SYT7: variants seen among roughly 807,000 people sequenced by gnomAD.
SYT7 encodes the protein synaptotagmin-7.
A neutral mutation model predicts 75.1 loss-of-function variants in SYT7; 29 were observed. That is an observed-to-expected ratio of 0.39 (90% CI 0.29 to 0.53). The LOEUF is 0.53. Ranked by LOEUF, SYT7 falls within the 20% of genes least tolerant of loss-of-function variation. The probability of loss-of-function intolerance (pLI) is 0.77; values close to 1 mark genes in which losing one functional copy is unlikely to be tolerated. For missense variants in SYT7, 693 were observed against 953.2 expected, an observed-to-expected ratio of 0.73 and a Z score of 3.59; for synonymous variants, 376 against 401.7, an observed-to-expected ratio of 0.94 and a Z score of 0.76.
At chr11:61,563,190 A>G (rs557834856) in intron 1 of SYT7, among the ~76,000 whole-genome samples, 1 of 152,294 alleles carries the variant, frequency 6.6e-6, no homozygotes, top group East Asian at 1.9e-4. Flanking sequence ...ATTTGCCATC[A>G]CTTGTCTACT....
At chr11:61,557,559 C>A (rs1414035874) in intron 1 of SYT7, among the ~76,000 whole-genome samples, 1 of 152,150 alleles carries the variant, frequency 6.6e-6, no homozygotes, top group African/African-American at 2.4e-5. Flanking sequence ...TCTACTAGAA[C>A]CCTCTTTGGG....
In SYT7 at chr11:61,542,686, G is replaced by T; in HGVS notation, c.573-107C>A. The T allele has an allele frequency of 7.2e-7, 1 of 1,396,324 alleles. No homozygotes were observed. Among genetic ancestry groups the T allele is most frequent in the South Asian group, 1.6e-5 (1 of 62,534 alleles). The allele number at this position is 1,396,324 out of a possible 1,614,324, so 86.5% of individuals were successfully genotyped here. On this transcript the variant is annotated intron_variant, in intron 5 of 12. Transcript: ENST00000539008. The surrounding 1 kb of genome is among the most constrained non-coding windows in gnomAD (Gnocchi z 7.8). Reference sequence around the variant, plus strand: ...ACTAGGAGGCCCCAGTGCAGGGTGCGCGCTGCCGGACCTCGCCAGGCCTCC... The same window carrying T: ...ACTAGGAGGCCCCAGTGCAGGGTGCTCGCTGCCGGACCTCGCCAGGCCTCC...
At chr11:61,577,373 G>A (rs577429535) in intron 1 of SYT7, among the ~76,000 whole-genome samples, 1 of 152,368 alleles carries the variant, frequency 6.6e-6, no homozygotes, top group Admixed American at 6.5e-5. Context: ...GATGGGGCAG[G>A]CTTTGGGGAG....
intron 1 of SYT7, among the ~76,000 whole-genome samples, chr11:61,569,918 C>G (rs749686286): frequency 6.6e-6 from 1 of 152,200 alleles, no homozygotes; most frequent in African/African-American, 2.4e-5. Context: ...CAGGTGCGGG[C>G]GGGCATGATG....
intron 5 of SYT7, among the ~76,000 whole-genome samples, chr11:61,544,286 G>T (rs1017528361): frequency 1.3e-5 from 2 of 152,176 alleles, no homozygotes; most frequent in Non-Finnish European, 2.9e-5. Flanking sequence ...CCTCAGCTTT[G>T]CTCACCCTCT....
chr11:61,555,697 G>A (rs992764436), intron 2 of SYT7, among the ~76,000 whole-genome samples: 2 of 152,164 alleles, frequency 1.3e-5, no homozygotes, highest in African/African-American at 4.8e-5. Context: ...AGGGGAGGGG[G>A]CGCGGTGCTT....
At chr11:61,539,766 T>C (rs73496255) in intron 6 of SYT7, 15,193 of 152,034 alleles carry the variant, frequency 0.1, 905 homozygotes, top group African/African-American at 0.18. Flanking sequence ...AAATGGGACA[T>C]TACCTCTGGG....
rs1043683195 is a variant in SYT7, at chr11:61,514,975, C to T, written c.*3652G>A. The stretch of plus-strand genomic sequence containing the variant: ...AGCTGCCTTGGAGGGTGGCAAGTGT[C>T]CTCTGGGAACTGAGGGAGGGGACGT... On this transcript the variant is annotated 3_prime_UTR_variant, in exon 13 of 13. Coordinates refer to ENST00000539008, the MANE Select transcript of SYT7 (RefSeq NM_001365809.2). 1.3e-5 allele frequency among the ~76,000 whole-genome samples: 2 copies of T among 152,116 alleles called. No individual in the cohort carries two copies. The highest frequency in any genetic ancestry group is 4.8e-5 in the African/African-American group (2 of 41,410).
chr11:61,531,936 G>A (rs1015010088), intron 8 of SYT7, among the ~76,000 whole-genome samples: 99 of 143,284 alleles, frequency 6.9e-4, no homozygotes, highest in Non-Finnish European at 1.2e-3. Flanking sequence ...AGGCCCCACC[G>A]AAGGCCCATT....
the SYT7 span, among the ~76,000 whole-genome samples, chr11:61,587,034 T>C: frequency 6.6e-6 from 1 of 152,190 alleles, no homozygotes; most frequent in African/African-American, 2.4e-5. Context: ...TTTCGCCAAC[T>C]GTCCCCCCTC....
intron 8 of SYT7, among the ~76,000 whole-genome samples, chr11:61,528,586 G>A (rs186645112): frequency 8.0e-4 from 122 of 152,240 alleles, no homozygotes; most frequent in African/African-American, 2.8e-3. Flanking sequence ...GGCCAACTGT[G>A]GGAGGCACCG....
intron 8 of SYT7, among the ~76,000 whole-genome samples, chr11:61,532,653 G>A (rs2062745556): frequency 6.6e-6 from 1 of 152,224 alleles, no homozygotes; most frequent in Admixed American, 6.5e-5. Context: ...GATCCTGAAA[G>A]TATCTTGCAT....
Position 61,542,080 on chromosome 11 carries a change from G to A in SYT7, c.941+131C>T, listed in dbSNP as rs1276741781. ...AAGAGGCTAAGGAGGGGGCTGCCAA[G>A]TCTGCTTGGCACCCTGCCAAGGGGA... On this transcript the variant is annotated intron_variant, in intron 6 of 12. Coordinates refer to ENST00000539008, the MANE Select transcript of SYT7 (RefSeq NM_001365809.2). This position sits in a 1 kb window ranked among gnomAD's most constrained non-coding sequence, Gnocchi z 7.8. 2 of 1,283,924 alleles carry A rather than the reference G, an allele frequency of 1.6e-6. No individual in the cohort carries two copies. The highest frequency in any genetic ancestry group is 2.1e-6 in the Non-Finnish European group (2 of 969,096). The allele number at this position is 1,283,924 out of a possible 1,614,324, so 79.5% of individuals were successfully genotyped here. A position where few individuals can be genotyped will look rare whatever the true frequency, so the allele number is the denominator to read the frequency against.
chr11:61,537,395 A>G lies in SYT7; in HGVS notation c.1064+749T>C, dbSNP rs543360617. Among the ~76,000 whole-genome samples the G allele has an allele frequency of 4.6e-5, 7 of 150,786 alleles. No homozygotes were observed. The East Asian group carries it at 1.2e-3, about 26-fold the overall frequency. ...TGCTTCCCTGAATTCCTGATAGCTG[A>G]GGCTGTGGCAGTTTAAGTGACCAGC... On this transcript the variant is annotated intron_variant, in intron 7 of 12. Coordinates refer to ENST00000539008, the MANE Select transcript of SYT7 (RefSeq NM_001365809.2).
intron 5 of SYT7, 90 bp downstream of exon 5, chr11:61,545,941 A>G: frequency 8.3e-7 from 1 of 1,198,158 alleles, no homozygotes; most frequent in Non-Finnish European, 1.2e-6. Context: ...CTCTGGGGGC[A>G]GCAGCGGGCA....
intron 9 of SYT7, 152 bp downstream of exon 9, chr11:61,527,763 G>C: frequency 1.1e-6 from 1 of 917,898 alleles, no homozygotes; most frequent in Non-Finnish European, 1.7e-6. Context: ...GTGCACATAA[G>C]TGTATCTGCT....
chr11:61,574,672 C>G (rs899796344), intron 1 of SYT7, among the ~76,000 whole-genome samples: 2 of 151,836 alleles, frequency 1.3e-5, no homozygotes, highest in African/African-American at 2.4e-5. Context: ...GTCCCAGTAT[C>G]TGGACGCGGG....
rs530099920 is a variant in SYT7 at position 61,551,156 on chromosome 11, G to A, written c.215+228C>T. Among the ~76,000 whole-genome samples, 5 of 152,284 alleles carry A rather than the reference G, an allele frequency of 3.3e-5. No individual in the cohort carries two copies. Among genetic ancestry groups the A allele is most frequent in the East Asian group, 3.9e-4 (2 of 5,178 alleles). The stretch of plus-strand genomic sequence containing the variant: ...AGAAGGTGCTGGCGGTGAGGGCAGC[G>A]GAAACGGAGGCCAGGGACTCCGGAG... On this transcript the variant is annotated intron_variant, in intron 3 of 12. Coordinates refer to ENST00000539008, the MANE Select transcript of SYT7 (RefSeq NM_001365809.2). The surrounding 1 kb of genome is among the most constrained non-coding windows in gnomAD (Gnocchi z 5.3).
Position 61,553,858 on chromosome 11 carries a change from G to A in SYT7, c.135+2246C>T, listed in dbSNP as rs1319120868. On this transcript the variant is annotated intron_variant, in intron 2 of 12. Transcript: ENST00000539008. The surrounding 1 kb of genome is among the most constrained non-coding windows in gnomAD (Gnocchi z 5.2). Reference sequence around the variant, plus strand: ...TGCTGAGGGGACAGGCAGGCAAGGAGAGCCCAACAACTGTGTGTGTTGGGG... The same window carrying A: ...TGCTGAGGGGACAGGCAGGCAAGGAAAGCCCAACAACTGTGTGTGTTGGGG... Among the ~76,000 whole-genome samples, 1 of 152,184 alleles carries A rather than the reference G, an allele frequency of 6.6e-6. No individual in the cohort carries two copies.
Sources: allele counts gnomAD v4.1 joint callset (sites outside exome capture counted in the v4.1 genomes callset), GRCh38; gene constraint gnomAD v4.1.1; non-coding constraint Gnocchi (gnomAD v3.1); transcripts MANE v1.5; gene names NCBI Gene and HGNC (gene_info 2026-07-23, HGNC 2026-07-21).